Variants in CDH13 observed in about 807,000 individuals in gnomAD.
CDH13 encodes cadherin-13.
In CDH13, 24 loss-of-function variants were observed where a neutral mutation model predicts 63.8. The ratio of observed to expected loss-of-function variants is 0.38; its 90% confidence interval spans 0.27 to 0.53. CDH13 has a LOEUF of 0.53. Ranked by LOEUF, CDH13 falls within the 20% of genes least tolerant of loss-of-function variation. The pLI is 0.85. For synonymous variants in CDH13, 503 were observed against 355.3 expected (o/e 1.42, Z -4.67); for missense variants, 1,049 against 903.1 (o/e 1.16, Z -2.07).
chr16:83,388,813 C>T (rs2091729513), intron 6 of CDH13, among the ~76,000 whole-genome samples: 1 of 152,294 alleles, frequency 6.6e-6, no homozygotes, highest in East Asian at 1.9e-4. Flanking sequence ...TTAGCCTCAC[C>T]TGGGTGCTTC....
rs569840317 is a variant in CDH13 at position 83,331,990 on chromosome 16, T to G, written c.637-12872T>G. Among the ~76,000 whole-genome samples the G allele has an allele frequency of 1.5e-3, 222 of 152,246 alleles. 3 individuals are homozygous for G. The highest frequency in any genetic ancestry group is 5.1e-3 in the African/African-American group (213 of 41,568). On this transcript the variant is annotated intron_variant, in intron 5 of 13. Coordinates refer to ENST00000567109, the MANE Select transcript of CDH13 (RefSeq NM_001257.5). ...TTTCTACAAGTGAAATTTTCAAAGC[T>G]TGTGATGGGTGTTAACAAATTGCAT...
chr16:83,394,913 C>T (rs1438735009), intron 6 of CDH13, among the ~76,000 whole-genome samples: 1 of 152,018 alleles, frequency 6.6e-6, no homozygotes, highest in African/African-American at 2.4e-5. Context: ...TCTGGGAGGC[C>T]AAGACAGGCG....
At chr16:82,653,960 A>T (rs1351026085) in intron 1 of CDH13, among the ~76,000 whole-genome samples, 4 of 152,114 alleles carry the variant, frequency 2.6e-5, no homozygotes, top group African/African-American at 9.7e-5. Context: ...AATTAACTGT[A>T]CGGGGTTACA....
intron 7 of CDH13, among the ~76,000 whole-genome samples, chr16:83,566,264 T>G (rs1307685735): frequency 6.6e-6 from 1 of 152,176 alleles, no homozygotes; most frequent in Non-Finnish European, 1.5e-5. Context: ...CACCATTTGC[T>G]GGGAAGGAAG....
chr16:83,014,288 G>A lies in CDH13; in HGVS notation c.158-17722G>A, dbSNP rs576585852. Reference sequence around the variant, plus strand: ...AAACATTGTATTATCAACCGTTAGCGTGAGGAGACAACTCTTAGAGCCCAA... The same window carrying A: ...AAACATTGTATTATCAACCGTTAGCATGAGGAGACAACTCTTAGAGCCCAA... On this transcript the variant is annotated intron_variant, in intron 2 of 13. Transcript: ENST00000567109. Among the ~76,000 whole-genome samples the A allele has an allele frequency of 2.4e-4, 34 of 144,488 alleles. No homozygotes were observed. The South Asian group carries it at 5.3e-3, about 22-fold the overall frequency. The allele number at this position is 144,488 out of a possible 152,430, so 94.8% of individuals were successfully genotyped here.
At chr16:82,754,102 C>T (rs985102967) in intron 1 of CDH13, among the ~76,000 whole-genome samples, 2 of 152,118 alleles carry the variant, frequency 1.3e-5, no homozygotes, top group Non-Finnish European at 2.9e-5. Flanking sequence ...AGTCTGTTGC[C>T]ATGTGTAGTT....
chr16:83,759,503 T>C (rs1913782465), intron 11 of CDH13, among the ~76,000 whole-genome samples: 1 of 148,800 alleles, frequency 6.7e-6, no homozygotes, highest in Non-Finnish European at 1.5e-5. Flanking sequence ...GTAATTAGGA[T>C]ACAAAAGTAC....
chr16:82,991,487 G>T (rs918818521), intron 2 of CDH13, among the ~76,000 whole-genome samples: 1 of 152,090 alleles, frequency 6.6e-6, no homozygotes, highest in African/African-American at 2.4e-5. Context: ...CAAGGCCCTT[G>T]TTCAGTCTGG....
intron 3 of CDH13, among the ~76,000 whole-genome samples, chr16:83,091,197 C>A (rs568237901): frequency 2.6e-5 from 4 of 151,910 alleles, no homozygotes; most frequent in South Asian, 2.1e-4. Context: ...TTCCTTCTTT[C>A]CTTCCTTTCT....
At chr16:82,892,837 A>G (rs887925828) in intron 2 of CDH13, among the ~76,000 whole-genome samples, 4 of 152,024 alleles carry the variant, frequency 2.6e-5, no homozygotes, top group African/African-American at 9.7e-5. Flanking sequence ...AGTTGTTTTT[A>G]TTTAGAATGT....
intron 4 of CDH13, among the ~76,000 whole-genome samples, chr16:83,146,193 C>CAAAA (rs749952847): frequency 1.0e-4 from 10 of 97,594 alleles, no homozygotes; most frequent in Non-Finnish European, 1.2e-4. Context: ...GACTCTGTCT[C>CAAAA]AAAAAAAAAA....
In CDH13 at chr16:82,654,300, G is replaced by A. The variant is rs141655142; in HGVS notation, c.45+27163G>A. ...TGGTCTTGGTTTCTTATTCAAGGTC[G>A]GTTTCCCAACTCTCATAGCATCAGC... On this transcript the variant is annotated intron_variant, in intron 1 of 13. Coordinates refer to ENST00000567109, the MANE Select transcript of CDH13 (RefSeq NM_001257.5). 2.4e-3 allele frequency among the ~76,000 whole-genome samples: 361 copies of A among 152,150 alleles called. 7 individuals are homozygous for A. Among genetic ancestry groups the A allele is most frequent in the Admixed American group, 0.021 (324 of 15,280 alleles).
At chr16:83,123,170 G>C (rs1405594704) in intron 3 of CDH13, among the ~76,000 whole-genome samples, 1 of 151,700 alleles carries the variant, frequency 6.6e-6, no homozygotes, top group African/African-American at 2.4e-5. Context: ...ATGTGTGTGT[G>C]TATATATGTT....
chr16:83,501,737 A>G (rs1598167177), intron 7 of CDH13, among the ~76,000 whole-genome samples: 1 of 152,198 alleles, frequency 6.6e-6, no homozygotes, highest in Non-Finnish European at 1.5e-5. Context: ...CCGCTGCTCT[A>G]TCCACTCCCT....
chr16:83,483,729 G>C (rs2073825561), intron 6 of CDH13, among the ~76,000 whole-genome samples: 1 of 152,120 alleles, frequency 6.6e-6, no homozygotes. Flanking sequence ...GCATGTCCCT[G>C]GGTAAGATCG....
At chr16:83,590,757 C>T (rs566564391) in intron 7 of CDH13, among the ~76,000 whole-genome samples, 1 of 152,074 alleles carries the variant, frequency 6.6e-6, no homozygotes, top group Non-Finnish European at 1.5e-5. Context: ...CAATGCTAAC[C>T]GAAGTGTGCC....
At chr16:83,757,800 G>T (rs887944577) in intron 11 of CDH13, among the ~76,000 whole-genome samples, 1 of 151,976 alleles carries the variant, frequency 6.6e-6, no homozygotes, top group African/African-American at 2.4e-5. Flanking sequence ...GGACATAATG[G>T]ACAAGTTTCC....
intron 8 of CDH13, among the ~76,000 whole-genome samples, chr16:83,649,871 G>A (rs1312786251): frequency 6.6e-6 from 1 of 152,206 alleles, no homozygotes; most frequent in Non-Finnish European, 1.5e-5. Context: ...GCGGGCCCAG[G>A]TTGTACCTTT....
rs368418397 is a variant in CDH13, at chr16:83,742,738, A to G, written c.1539-5370A>G. Among the ~76,000 whole-genome samples, 16 of 152,318 alleles carry G rather than the reference A, an allele frequency of 1.1e-4. No homozygotes were observed. In the East Asian group the frequency reaches 2.9e-3, roughly 28 times the overall value. On this transcript the variant is annotated intron_variant, in intron 10 of 13. Coordinates refer to ENST00000567109, the MANE Select transcript of CDH13 (RefSeq NM_001257.5). ...ATCGGGAACGATGGCTCCACCGTTC[A>G]TTGTCTCCACCCAGCTCTTAGTTCA...
Sources: allele counts gnomAD v4.1 joint callset (sites outside exome capture counted in the v4.1 genomes callset), GRCh38; gene constraint gnomAD v4.1.1; transcripts MANE v1.5; gene names NCBI Gene and HGNC (gene_info 2026-07-23, HGNC 2026-07-21).